Variants in GRIK1 observed in about 807,000 individuals in gnomAD.
The protein encoded by GRIK1 is glutamate receptor ionotropic, kainate 1.
Under a neutral mutation model 105.7 loss-of-function variants are expected in GRIK1, and 69 were observed. The observed-to-expected ratio is 0.65, with a 90% CI of 0.54 to 0.80. The LOEUF is 0.80. GRIK1 is among the 30% of genes least tolerant of loss of function. The pLI, the probability that GRIK1 is intolerant of heterozygous loss-of-function variation, is 0.00. For missense variants in GRIK1, 1,109 were observed against 1,167.3 expected, an observed-to-expected ratio of 0.95 and a Z score of 0.73; for synonymous variants, 438 against 431.3, an observed-to-expected ratio of 1.02 and a Z score of -0.19.
Position 29,651,129 on chromosome 21 carries a change from C to T in GRIK1, c.943G>A (p.Gly315Ser), listed in dbSNP as rs2062726585. The T allele has an allele frequency of 6.2e-7, 1 of 1,606,554 alleles. No homozygotes were observed. Among genetic ancestry groups the T allele is most frequent in the East Asian group, 2.2e-5 (1 of 44,826 alleles). The part of the protein sequence containing the change: ...PPRPETGLLD[G>S]MMTTEAALMY... Reference sequence around the variant, plus strand: ...TGAAAATGACTTACTGTCATCATGCCATCCAAAAGGCCAGTCTCGGGCCTG... The same window carrying T: ...TGAAAATGACTTACTGTCATCATGCTATCCAAAAGGCCAGTCTCGGGCCTG... The change falls in exon 6 of 18, where the codon GGC (glycine) becomes AGC (serine). Residue 315 changes from glycine (G) to serine (S), a missense_variant. By Grantham distance (56) the Gly-to-Ser change is moderately conservative. Transcript: ENST00000327783.
At chr21:29,870,051 T>A (rs199554030) in intron 1 of GRIK1, among the ~76,000 whole-genome samples, 14,087 of 152,202 alleles carry the variant, frequency 0.093, 817 homozygotes, top group African/African-American at 0.16. Flanking sequence ...CCTATGTTCC[T>A]CATAATATTT....
chr21:29,747,626 C>T (rs533849449), intron 1 of GRIK1, among the ~76,000 whole-genome samples: 58 of 152,066 alleles, frequency 3.8e-4, no homozygotes, highest in Non-Finnish European at 7.5e-4. Flanking sequence ...GTCAGGAGAT[C>T]GAGACCATCC....
intron 1 of GRIK1, among the ~76,000 whole-genome samples, chr21:29,768,806 G>A (rs994011299): frequency 6.6e-5 from 10 of 152,116 alleles, no homozygotes; most frequent in Non-Finnish European, 4.4e-5. Flanking sequence ...CTCAACTTAC[G>A]CAGTTTTCCT....
At chr21:29,818,085 T>C (rs2067200947) in intron 1 of GRIK1, among the ~76,000 whole-genome samples, 1 of 152,068 alleles carries the variant, frequency 6.6e-6, no homozygotes, top group Admixed American at 6.6e-5. Flanking sequence ...TTAGACAACA[T>C]GGTGTACTGC....
At chr21:29,867,999 G>A (rs2068883438) in intron 1 of GRIK1, among the ~76,000 whole-genome samples, 1 of 138,096 alleles carries the variant, frequency 7.2e-6, no homozygotes, top group Non-Finnish European at 1.5e-5. Flanking sequence ...GAGAAGGAGA[G>A]AAAGAAAGAA....
rs1289643246 is a variant in GRIK1 at position 29,834,028 on chromosome 21, T to C, written c.118+105355A>G. ...AATTGTATACAAATGTATTAGTCTT[T>C]TGCATTACAAAGGGTTTATTGCAAA... is the stretch of plus-strand genomic sequence containing the variant. On this transcript the variant is annotated intron_variant, in intron 1 of 17. Transcript: ENST00000327783. Among the ~76,000 whole-genome samples the C allele has an allele frequency of 2.0e-5, 3 of 152,148 alleles. No individual in the cohort carries two copies. In the East Asian group the frequency reaches 5.8e-4, roughly 29 times the overall value.
intron 14 of GRIK1, among the ~76,000 whole-genome samples, chr21:29,575,136 TTTA>T (rs1158691000): frequency 2.6e-5 from 4 of 152,222 alleles, no homozygotes; most frequent in Non-Finnish European, 4.4e-5. Context: ...TACCTTTTTA[TTTA>T]TTATTGTTAT....
intron 9 of GRIK1, among the ~76,000 whole-genome samples, chr21:29,594,146 T>C (rs182071950): frequency 6.6e-6 from 1 of 152,164 alleles, no homozygotes; most frequent in East Asian, 1.9e-4. Context: ...ACCTCAGTCT[T>C]CTGTTTCCAA....
intron 7 of GRIK1, among the ~76,000 whole-genome samples, chr21:29,601,788 C>T (rs935979028): frequency 6.6e-6 from 1 of 152,206 alleles, no homozygotes; most frequent in African/African-American, 2.4e-5. Context: ...GTTTGGAAAT[C>T]CTTATATCCT....
At chr21:29,629,226 G>C (rs927742800) in intron 7 of GRIK1, among the ~76,000 whole-genome samples, 2 of 150,572 alleles carry the variant, frequency 1.3e-5, no homozygotes, top group Non-Finnish European at 3.0e-5. Flanking sequence ...GTGTGTGTGT[G>C]TGTGTGTGCT....
intron 1 of GRIK1, among the ~76,000 whole-genome samples, chr21:29,744,890 GA>G (rs147812185): frequency 0.06 from 9,072 of 152,244 alleles, 312 homozygotes; most frequent in African/African-American, 0.069. Context: ...GTATTTTACA[GA>G]AGAGGAAAGT....
chr21:29,561,580 T>C (rs2090480465), intron 15 of GRIK1, 44 bp downstream of exon 15: 1 of 1,313,570 alleles, frequency 7.6e-7, no homozygotes. Context: ...TACTGGTAAC[T>C]GACATTCTGT....
intron 1 of GRIK1, among the ~76,000 whole-genome samples, chr21:29,899,022 T>C (rs1174307144): frequency 6.6e-6 from 1 of 152,166 alleles, no homozygotes; most frequent in African/African-American, 2.4e-5. Context: ...AATGGCTTTT[T>C]TCATATTCTT....
intron 2 of GRIK1, 22 bp from the exon 3 acceptor site, chr21:29,690,007 A>C: frequency 2.4e-6 from 3 of 1,243,210 alleles, no homozygotes; most frequent in Non-Finnish European, 2.3e-6. Flanking sequence ...GGACAAGGAG[A>C]GGATGGGGAG....
intron 1 of GRIK1, among the ~76,000 whole-genome samples, chr21:29,900,294 A>T (rs892127482): frequency 1.3e-5 from 2 of 152,040 alleles, no homozygotes; most frequent in East Asian, 3.9e-4. Context: ...ATTAACCTTA[A>T]ATGTAAATGG....
chr21:29,886,163 CTTAT>C lies in GRIK1; in HGVS notation c.118+53216_118+53219del, dbSNP rs958048573. 3.4e-4 allele frequency among the ~76,000 whole-genome samples: 51 copies of C among 152,078 alleles called. 1 individual carries two copies. Among genetic ancestry groups the C allele is most frequent in the African/African-American group, 1.2e-3 (49 of 41,420 alleles). The stretch of plus-strand genomic sequence containing the variant: ...GATACTTAAAAGAAACAAATCTTTA[CTTAT>C]AACATGAGATTAGCTGAACAGAACT... On this transcript the variant is annotated intron_variant, in intron 1 of 17. Transcript: ENST00000327783.
chr21:29,591,062 T>TCATTAAAAAA, intron 10 of GRIK1, 50 bp downstream of exon 10: 1 of 993,126 alleles, frequency 1.0e-6, no homozygotes, highest in East Asian at 2.4e-5. Flanking sequence ...CTTCGAAGTC[T>TCATTAAAAAA]AAGGCAGGAG....
At chr21:29,896,573 A>G (rs149623100) in intron 1 of GRIK1, among the ~76,000 whole-genome samples, 293 of 152,342 alleles carry the variant, frequency 1.9e-3, no homozygotes, top group African/African-American at 6.7e-3. Flanking sequence ...TGCTTATCAC[A>G]GTATCTGACA....
chr21:29,807,210 T>C (rs2066886854), intron 1 of GRIK1, among the ~76,000 whole-genome samples: 1 of 152,146 alleles, frequency 6.6e-6, no homozygotes, highest in African/African-American at 2.4e-5. Context: ...TAATTAACTG[T>C]ATTTATGGAG....
Sources: gnomAD v4.1 joint callset for allele counts (sites outside exome capture counted in the v4.1 genomes callset) on GRCh38, gnomAD v4.1.1 for gene constraint, MANE v1.5 for transcripts, NCBI Gene and HGNC (gene_info 2026-07-23, HGNC 2026-07-21) for gene names.